PPP2R5E: variants seen among roughly 807,000 people sequenced by gnomAD.
PPP2R5E encodes the protein protein phosphatase 2 regulatory subunit B'epsilon, also known as serine/threonine-protein phosphatase 2A 56 kDa regulatory subunit epsilon isoform.
Under a neutral mutation model 65.3 loss-of-function variants are expected in PPP2R5E, and 4 were observed. The observed-to-expected ratio is 0.06, with a 90% confidence interval of 0.03 to 0.14. PPP2R5E has a LOEUF of 0.14. PPP2R5E is among the 10% of genes least tolerant of loss of function. The pLI, the probability that PPP2R5E is intolerant of heterozygous loss-of-function variation, is 1.00. For synonymous variants in PPP2R5E, 183 were observed against 187.4 expected, an observed-to-expected ratio of 0.98 and a Z score of 0.19; for missense variants, 274 against 556.1, an observed-to-expected ratio of 0.49 and a Z score of 5.10.
chr14:63,496,301 G>C (rs1249928789), intron 2 of PPP2R5E, among the ~76,000 whole-genome samples: 1 of 151,872 alleles, frequency 6.6e-6, no homozygotes, highest in Non-Finnish European at 1.5e-5. Flanking sequence ...TCAGCAGTTA[G>C]AGACCAGCCT....
rs142895523 is a variant in PPP2R5E, at chr14:63,382,655, C to T, written c.1203-498G>A. On this transcript the variant is annotated intron_variant, in intron 12 of 13. Transcript: ENST00000337537. ...ACCTCAGGTGATCTGCCTGCCTCGG[C>T]CTCCCAAAGTGCTGGGATTATAGGC... is the stretch of plus-strand genomic sequence containing the variant. 9.8e-3 allele frequency among the ~76,000 whole-genome samples: 1,491 copies of T among 152,128 alleles called. 23 individuals are homozygous for T. The highest frequency in any genetic ancestry group is 0.034 in the African/African-American group (1,425 of 41,474).
At chr14:63,388,243 C>T (rs543677862) in intron 11 of PPP2R5E, among the ~76,000 whole-genome samples, 43 of 151,982 alleles carry the variant, frequency 2.8e-4, no homozygotes, top group Admixed American at 5.2e-4. Context: ...CAGTTTCAAG[C>T]GATTCTCCTG....
At chr14:63,434,558 C>T (rs1031625193) in intron 3 of PPP2R5E, among the ~76,000 whole-genome samples, 7 of 152,180 alleles carry the variant, frequency 4.6e-5, no homozygotes, top group Non-Finnish European at 8.8e-5. Context: ...ACTCAGTCCC[C>T]TATCACCTTT....
intron 1 of PPP2R5E, among the ~76,000 whole-genome samples, chr14:63,541,293 C>G (rs1292940303): frequency 1.3e-5 from 2 of 152,218 alleles, no homozygotes; most frequent in East Asian, 3.8e-4. Flanking sequence ...GAAAATCAAG[C>G]ACCAAAGTTG....
chr14:63,401,227 A>C (rs1307641464), intron 5 of PPP2R5E, among the ~76,000 whole-genome samples: 1 of 152,004 alleles, frequency 6.6e-6, no homozygotes, highest in Non-Finnish European at 1.5e-5. Context: ...GGCCAAAACA[A>C]GGGGGGGTAG....
At chr14:63,507,880 AG>A (rs1892285211) in intron 2 of PPP2R5E, among the ~76,000 whole-genome samples, 1 of 152,144 alleles carries the variant, frequency 6.6e-6, no homozygotes, top group Non-Finnish European at 1.5e-5. Flanking sequence ...AACCGGCCCC[AG>A]CAAGGGTAAT....
intron 13 of PPP2R5E, among the ~76,000 whole-genome samples, chr14:63,378,686 C>T (rs1027988698): frequency 3.9e-5 from 6 of 152,138 alleles, no homozygotes; most frequent in Admixed American, 2.0e-4. Flanking sequence ...GAAATTTTAA[C>T]GCTTAACCAC....
At chr14:63,497,620 T>A (rs965350217) in intron 2 of PPP2R5E, among the ~76,000 whole-genome samples, 4 of 152,006 alleles carry the variant, frequency 2.6e-5, no homozygotes, top group Non-Finnish European at 5.9e-5. Context: ...TGGTGGCACA[T>A]GCCTGTAATC....
intron 3 of PPP2R5E, among the ~76,000 whole-genome samples, chr14:63,424,011 A>C (rs1228308701): frequency 6.6e-6 from 1 of 152,112 alleles, no homozygotes; most frequent in Non-Finnish European, 1.5e-5. Context: ...AAAAAAAATC[A>C]CTCCAACAGC....
At chr14:63,484,387 A>ACACACAC (rs1566736526) in intron 2 of PPP2R5E, among the ~76,000 whole-genome samples, 4 of 150,650 alleles carry the variant, frequency 2.7e-5, no homozygotes, top group African/African-American at 7.4e-5. Context: ...ACACACACAC[A>ACACACAC]AAGAATCGTA....
At chr14:63,447,067 G>C (rs908892164) in intron 3 of PPP2R5E, among the ~76,000 whole-genome samples, 1 of 152,154 alleles carries the variant, frequency 6.6e-6, no homozygotes, top group African/African-American at 2.4e-5. Flanking sequence ...GCATAGGCAG[G>C]GTAGATTTAG....
intron 2 of PPP2R5E, among the ~76,000 whole-genome samples, chr14:63,462,114 A>T (rs1312735700): frequency 6.7e-6 from 1 of 149,906 alleles, no homozygotes; most frequent in Non-Finnish European, 1.5e-5. Context: ...TCTGTTGCCC[A>T]CGCTGAAGTG....
At chr14:63,454,637 T>TA (rs1348373612) in intron 2 of PPP2R5E, among the ~76,000 whole-genome samples, 3 of 152,202 alleles carry the variant, frequency 2.0e-5, no homozygotes, top group East Asian at 1.9e-4. Context: ...GCGTTGTTTC[T>TA]AAAAAATATG....
chr14:63,398,426 A>C (rs370913718), intron 5 of PPP2R5E, among the ~76,000 whole-genome samples: 2 of 152,380 alleles, frequency 1.3e-5, no homozygotes, highest in African/African-American at 4.8e-5. Flanking sequence ...GCCCAAAAGT[A>C]AGCCCTCACA....
intron 2 of PPP2R5E, among the ~76,000 whole-genome samples, chr14:63,538,273 TC>T (rs1893755553): frequency 8.1e-6 from 1 of 123,428 alleles, no homozygotes; most frequent in African/African-American, 3.7e-5. Context: ...TTTTTTTTTT[TC>T]CCCCGAGACA....
In PPP2R5E at chr14:63,382,800, T is replaced by C. The variant is rs180689237; in HGVS notation, c.1203-643A>G. 2.8e-3 allele frequency among the ~76,000 whole-genome samples: 419 copies of C among 152,322 alleles called. 4 individuals carry two copies. Among genetic ancestry groups the C allele is most frequent in the African/African-American group, 8.7e-3 (362 of 41,568 alleles). On this transcript the variant is annotated intron_variant, in intron 12 of 13. Coordinates refer to ENST00000337537, the MANE Select transcript of PPP2R5E (RefSeq NM_006246.5). ...GTATAATAGTAAAGCAATTTCACCC[T>C]AAAATAAGGATCTGTGATAGCACTA...
chr14:63,389,814 G>T, intron 10 of PPP2R5E, 83 bp from the exon 11 acceptor site: 1 of 1,346,900 alleles, frequency 7.4e-7, no homozygotes, highest in Non-Finnish European at 9.7e-7. Flanking sequence ...TGAGAGTTTG[G>T]ATTATTTTAA....
chr14:63,379,751 G>C (rs76505618), intron 13 of PPP2R5E, among the ~76,000 whole-genome samples: 3 of 144,506 alleles, frequency 2.1e-5, no homozygotes, highest in Admixed American at 6.9e-5. Context: ...CCAGAAAATA[G>C]TTTTATTATT....
intron 3 of PPP2R5E, 182 bp downstream of exon 3, chr14:63,453,507 C>T (rs1000724855): frequency 6.3e-6 from 3 of 475,520 alleles, no homozygotes; most frequent in Admixed American, 4.0e-5. Flanking sequence ...TTCTGGATTT[C>T]GTTCTCATGA....
Sources: allele counts gnomAD v4.1 joint callset (sites outside exome capture counted in the v4.1 genomes callset), GRCh38; gene constraint gnomAD v4.1.1; transcripts MANE v1.5; gene names NCBI Gene and HGNC (gene_info 2026-07-23, HGNC 2026-07-21).